Variants in PHIP observed in about 807,000 individuals in gnomAD.
PHIP encodes PHIP subunit of CUL4-Ring ligase complex.
In PHIP, 54 loss-of-function variants were observed where a neutral mutation model predicts 236.8. The ratio of observed to expected loss-of-function variants is 0.23; its 90% CI spans 0.18 to 0.29. The LOEUF is 0.29. PHIP is among the 10% of genes least tolerant of loss of function. The pLI is 1.00. For missense variants in PHIP, 1,370 were observed against 2,190.8 expected, an observed-to-expected ratio of 0.63 and a Z score of 7.48; for synonymous variants, 756 against 718.9, an observed-to-expected ratio of 1.05 and a Z score of -0.83.
At chr6:79,043,116 G>A (rs1008745190) in intron 6 of PHIP, 113 bp from the exon 7 acceptor site, 19 of 793,066 alleles carry the variant, frequency 2.4e-5, no homozygotes, top group Middle Eastern at 4.8e-4. Context: ...AAATAAAGAA[G>A]CTTTCTGATA....
chr6:78,943,238 A>G (rs1181065517), intron 39 of PHIP, among the ~76,000 whole-genome samples: 8 of 152,196 alleles, frequency 5.3e-5, no homozygotes, highest in African/African-American at 1.9e-4. Flanking sequence ...TAAATAGTTA[A>G]TTTAGGTGTC....
chr6:79,015,051 G>A (rs1046407361), intron 15 of PHIP, 31 bp downstream of exon 15: 2 of 1,579,316 alleles, frequency 1.3e-6, no homozygotes, highest in Admixed American at 1.7e-5. Flanking sequence ...CAAATCTTTA[G>A]TAGGTATAAA....
At chr6:79,022,141 A>T (rs577790123) in intron 9 of PHIP, among the ~76,000 whole-genome samples, 1 of 152,330 alleles carries the variant, frequency 6.6e-6, no homozygotes, top group African/African-American at 2.4e-5. Flanking sequence ...GGCCGAGTTC[A>T]GTTTCTAGGT....
At chr6:79,001,600 T>C (rs1224095417) in intron 17 of PHIP, among the ~76,000 whole-genome samples, 1 of 152,094 alleles carries the variant, frequency 6.6e-6, no homozygotes, top group African/African-American at 2.4e-5. Context: ...GAAGAGATTA[T>C]CAATAAATGT....
chr6:79,059,059 T>C (rs376829680), intron 6 of PHIP, among the ~76,000 whole-genome samples: 3 of 152,168 alleles, frequency 2.0e-5, no homozygotes, highest in East Asian at 3.9e-4. Context: ...AACAGGACAA[T>C]CTTATGTTTT....
rs796323402 is a variant in PHIP, at chr6:78,966,142, A to C, written c.3206-86T>G. ...TCCTAACGTTAACCTTTAAGTACCT[A>C]AACTGCCTGTATGATTTCAGAAGAC... On this transcript the variant is annotated intron_variant, in intron 27 of 39. Coordinates refer to ENST00000275034, the MANE Select transcript of PHIP (RefSeq NM_017934.7). The C allele has an allele frequency of 6.2e-6, 5 of 804,372 alleles. No homozygotes were observed. The South Asian group carries it at 7.3e-5, about 12-fold the overall frequency. 49.8% of individuals were successfully genotyped at this position (804,372 alleles called of 1,614,324 possible).
chr6:79,015,589 A>C, intron 14 of PHIP, 41 bp downstream of exon 14: 1 of 1,401,944 alleles, frequency 7.1e-7, no homozygotes, highest in Non-Finnish European at 9.9e-7. Flanking sequence ...TTCTATAGTC[A>C]GCTTCAGTTA....
intron 4 of PHIP, among the ~76,000 whole-genome samples, chr6:79,064,898 T>TA (rs1242969162): frequency 1.1e-4 from 16 of 152,190 alleles, no homozygotes; most frequent in Non-Finnish European, 2.9e-5. Flanking sequence ...CCAAAGCATC[T>TA]GAAACTCAAC....
At chr6:79,045,742 G>T (rs1428055009) in intron 6 of PHIP, among the ~76,000 whole-genome samples, 1 of 152,054 alleles carries the variant, frequency 6.6e-6, no homozygotes, top group Non-Finnish European at 1.5e-5. Context: ...AATGAGCATG[G>T]TTAAACAGAT....
intron 31 of PHIP, among the ~76,000 whole-genome samples, chr6:78,959,809 T>A (rs1376666583): frequency 6.6e-6 from 1 of 152,188 alleles, no homozygotes; most frequent in Admixed American, 6.5e-5. Flanking sequence ...GTTCCTCAAC[T>A]AACGATGGTG....
chr6:79,029,586 G>A (rs1382869816), intron 7 of PHIP, among the ~76,000 whole-genome samples: 1 of 152,174 alleles, frequency 6.6e-6, no homozygotes, highest in Non-Finnish European at 1.5e-5. Flanking sequence ...CTGGAGTACA[G>A]TGGCGTGATC....
chr6:79,002,523 G>A (rs1770055889), intron 16 of PHIP, among the ~76,000 whole-genome samples: 1 of 151,934 alleles, frequency 6.6e-6, no homozygotes, highest in Non-Finnish European at 1.5e-5. Context: ...ATCTCACTTG[G>A]GACACAAATC....
chr6:79,026,242 G>T, intron 7 of PHIP, 78 bp from the exon 8 acceptor site: 1 of 1,005,976 alleles, frequency 9.9e-7, no homozygotes, highest in Non-Finnish European at 1.5e-6. Flanking sequence ...AAATCTACCT[G>T]TTCTGTCCAC....
intron 7 of PHIP, among the ~76,000 whole-genome samples, chr6:79,041,426 T>C (rs1462080389): frequency 2.0e-5 from 3 of 152,126 alleles, no homozygotes; most frequent in African/African-American, 7.2e-5. Context: ...GATAAACAAA[T>C]GCTTACAATC....
At chr6:78,968,548 A>T (rs918967498) in intron 27 of PHIP, among the ~76,000 whole-genome samples, 8 of 152,226 alleles carry the variant, frequency 5.3e-5, no homozygotes, top group African/African-American at 1.9e-4. Context: ...GTATCCATGG[A>T]GGTCCTGGAA....
chr6:79,020,542 AT>A (rs1254284566), intron 9 of PHIP, among the ~76,000 whole-genome samples: 1 of 152,166 alleles, frequency 6.6e-6, no homozygotes, highest in Non-Finnish European at 1.5e-5. Flanking sequence ...ATAGCTCTAG[AT>A]TTTTTTTAAT....
chr6:78,967,852 C>T (rs1360488771), intron 27 of PHIP, among the ~76,000 whole-genome samples: 1 of 151,950 alleles, frequency 6.6e-6, no homozygotes, highest in Non-Finnish European at 1.5e-5. Flanking sequence ...TAAAATTTAT[C>T]GGCCGGGCGC....
intron 18 of PHIP, 75 bp from the exon 19 acceptor site, chr6:78,997,672 A>G: frequency 1.7e-6 from 2 of 1,149,144 alleles, no homozygotes; most frequent in Non-Finnish European, 2.5e-6. Flanking sequence ...AAAAAGAGAT[A>G]AAACACTATC....
chr6:78,939,474 C>G lies in PHIP; in HGVS notation c.*1219G>C, dbSNP rs1368912700. On this transcript the variant is annotated 3_prime_UTR_variant, in exon 40 of 40. Transcript: ENST00000275034. ...TAATAATTGAAAATAACCAATTTCCCCCTTAAAATTAAACTATAAAGTATG... is the reference window on the plus strand; with the variant it reads ...TAATAATTGAAAATAACCAATTTCCGCCTTAAAATTAAACTATAAAGTATG... 2 of 151,588 alleles carry G rather than the reference C, an allele frequency of 1.3e-5. No individual in the cohort carries two copies. Among genetic ancestry groups the G allele is most frequent in the African/African-American group, 4.8e-5 (2 of 41,348 alleles). 9.4% of individuals were successfully genotyped at this position (151,588 alleles called of 1,614,324 possible). A position where few individuals can be genotyped will look rare whatever the true frequency, so the allele number is the denominator to read the frequency against.
Sources: allele counts gnomAD v4.1 joint callset (sites outside exome capture counted in the v4.1 genomes callset), GRCh38; gene constraint gnomAD v4.1.1; transcripts MANE v1.5; gene names NCBI Gene and HGNC (gene_info 2026-07-23, HGNC 2026-07-21).